DLC1: variants seen among roughly 807,000 people sequenced by gnomAD.
DLC1 encodes the protein rho GTPase-activating protein 7.
Under a neutral mutation model 140.3 loss-of-function variants are expected in DLC1, and 54 were observed. The observed-to-expected ratio is 0.38, with a 90% confidence interval of 0.31 to 0.48. DLC1 has a LOEUF of 0.48. DLC1 is among the 20% of genes least tolerant of loss of function. The pLI is 0.96. For missense variants in DLC1, 2,536 were observed against 1,907.0 expected (o/e 1.33, Z -6.14); for synonymous variants, 986 against 728.1 (o/e 1.35, Z -5.70).
chr8:13,270,173 T>A lies in DLC1; in HGVS notation c.1348+35096A>T, dbSNP rs118164729. ...ATGTTCTTTTAAATCCAGTCTTTGC[T>A]TTATGAGATAGCCTCAGATCCTTAA... is the stretch of plus-strand genomic sequence containing the variant. On this transcript the variant is annotated intron_variant, in intron 5 of 17. Coordinates refer to ENST00000276297, the MANE Select transcript of DLC1 (RefSeq NM_182643.3). Among the ~76,000 whole-genome samples, 376 of 152,346 alleles carry A rather than the reference T, an allele frequency of 2.5e-3. 4 individuals are homozygous for A. The highest frequency in any genetic ancestry group is 0.018 in the Admixed American group (281 of 15,310).
intron 2 of DLC1, among the ~76,000 whole-genome samples, chr8:13,442,474 C>G (rs1446443102): frequency 2.6e-5 from 4 of 152,154 alleles, no homozygotes; most frequent in East Asian, 1.9e-4. Context: ...GGGCTAATAT[C>G]CAGAATCTAC....
intron 4 of DLC1, among the ~76,000 whole-genome samples, chr8:13,324,266 C>G (rs1833243933): frequency 6.6e-6 from 1 of 152,134 alleles, no homozygotes; most frequent in Non-Finnish European, 1.5e-5. Flanking sequence ...AGACATGTCT[C>G]TAGTGTAATT....
At chr8:13,361,359 A>G (rs1268672963) in intron 4 of DLC1, among the ~76,000 whole-genome samples, 1 of 151,626 alleles carries the variant, frequency 6.6e-6, no homozygotes, top group Non-Finnish European at 1.5e-5. Context: ...GGCTCAAGCA[A>G]TCCTCCTGAC....
chr8:13,365,031 A>G (rs773902047), intron 4 of DLC1, among the ~76,000 whole-genome samples: 1 of 152,160 alleles, frequency 6.6e-6, no homozygotes, highest in African/African-American at 2.4e-5. Context: ...ACTTTCTTCA[A>G]CTAGGACACG....
intron 4 of DLC1, among the ~76,000 whole-genome samples, chr8:13,323,745 C>G (rs1369317684): frequency 6.6e-6 from 1 of 152,064 alleles, no homozygotes; most frequent in Non-Finnish European, 1.5e-5. Flanking sequence ...AAAATGAATA[C>G]CTTATTGTTT....
chr8:13,504,910 T>C (rs1213710138), intron 1 of DLC1, among the ~76,000 whole-genome samples: 1 of 152,074 alleles, frequency 6.6e-6, no homozygotes, highest in Non-Finnish European at 1.5e-5. Flanking sequence ...ATTTTCAGGA[T>C]AAAAGTTGTG....
intron 5 of DLC1, among the ~76,000 whole-genome samples, chr8:13,153,038 T>C (rs1347584882): frequency 2.8e-4 from 43 of 152,182 alleles, no homozygotes; most frequent in Admixed American, 2.8e-3. Flanking sequence ...AAATACCCTA[T>C]GCTCTTCCTT....
At chr8:13,134,160 A>T (rs1822376063) in intron 5 of DLC1, among the ~76,000 whole-genome samples, 1 of 152,242 alleles carries the variant, frequency 6.6e-6, no homozygotes, top group Non-Finnish European at 1.5e-5. Flanking sequence ...ATGTATTAGG[A>T]AGCCTAATGT....
chr8:13,275,479 G>T (rs1490095654), intron 5 of DLC1, among the ~76,000 whole-genome samples: 1 of 152,162 alleles, frequency 6.6e-6, no homozygotes, highest in Non-Finnish European at 1.5e-5. Flanking sequence ...CACAGACTTA[G>T]AGAGCAAACA....
At chr8:13,568,777 A>G (rs1266297459) in intron 1 of DLC1, among the ~76,000 whole-genome samples, 1 of 152,242 alleles carries the variant, frequency 6.6e-6, no homozygotes, top group Non-Finnish European at 1.5e-5. Context: ...AACCACATCA[A>G]TCAACAGAGA....
intron 5 of DLC1, chr8:13,276,379 C>T (rs1831163559): frequency 6.6e-7 from 1 of 1,516,708 alleles, no homozygotes; most frequent in Non-Finnish European, 8.8e-7. Context: ...CGCGCCATCA[C>T]GTGGGCCTTG....
intron 4 of DLC1, among the ~76,000 whole-genome samples, chr8:13,344,345 T>G (rs1466696841): frequency 6.6e-6 from 1 of 151,924 alleles, no homozygotes; most frequent in Non-Finnish European, 1.5e-5. Context: ...AATACAAAAT[T>G]AGCCGGGCAT....
At chr8:13,261,109 C>T (rs551895556) in intron 5 of DLC1, among the ~76,000 whole-genome samples, 17 of 152,290 alleles carry the variant, frequency 1.1e-4, no homozygotes, top group Middle Eastern at 3.4e-3. Context: ...GGGGAACTTA[C>T]ATTCTGAAAG....
intron 4 of DLC1, among the ~76,000 whole-genome samples, chr8:13,336,095 T>A (rs1263221949): frequency 6.6e-6 from 1 of 152,180 alleles, no homozygotes; most frequent in Non-Finnish European, 1.5e-5. Flanking sequence ...TAAAGGCTCA[T>A]CTTTCTTTTG....
chr8:13,342,528 T>C (rs1007725463), intron 4 of DLC1: 1 of 152,196 alleles, frequency 6.6e-6, no homozygotes, highest in African/African-American at 2.4e-5. Context: ...GTGAAACTCA[T>C]CCAATCAGTT....
intron 5 of DLC1, among the ~76,000 whole-genome samples, chr8:13,167,237 A>T (rs1825166643): frequency 6.6e-6 from 1 of 152,226 alleles, no homozygotes; most frequent in African/African-American, 2.4e-5. Flanking sequence ...AATACTAACT[A>T]AAGTTGACTC....
At chr8:13,140,837 G>A (rs1190881424) in intron 5 of DLC1, among the ~76,000 whole-genome samples, 1 of 152,030 alleles carries the variant, frequency 6.6e-6, no homozygotes, top group Non-Finnish European at 1.5e-5. Context: ...TTACTAGATA[G>A]GGTTTTTGGC....
At chr8:13,401,753 C>T (rs956404782) in intron 2 of DLC1, 134 bp from the exon 3 acceptor site, 26 of 1,160,206 alleles carry the variant, frequency 2.2e-5, no homozygotes, top group Non-Finnish European at 2.7e-5. Context: ...AAGTTCCATT[C>T]TGTATCATCA....
intron 4 of DLC1, among the ~76,000 whole-genome samples, chr8:13,332,268 G>C (rs1223141724): frequency 1.3e-5 from 2 of 152,106 alleles, no homozygotes; most frequent in Non-Finnish European, 2.9e-5. Flanking sequence ...TTTTTATAAA[G>C]ATTGGTTCCT....
Sources: allele counts gnomAD v4.1 joint callset (sites outside exome capture counted in the v4.1 genomes callset), GRCh38; gene constraint gnomAD v4.1.1; transcripts MANE v1.5; gene names NCBI Gene and HGNC (gene_info 2026-07-23, HGNC 2026-07-21).